The following TEX2 variants were observed in gnomAD, a reference collection of about 807,000 sequenced individuals.
TEX2 encodes the protein testis-expressed protein 2.
Under a neutral mutation model 106.9 loss-of-function variants are expected in TEX2, and 53 were observed. The observed-to-expected ratio is 0.50, with a 90% confidence interval of 0.40 to 0.62. The LOEUF is 0.62. TEX2 is among the 20% of genes least tolerant of loss of function. The pLI, the probability that TEX2 is intolerant of heterozygous loss-of-function variation, is 0.00. For missense variants in TEX2, 1,207 were observed against 1,379.0 expected (o/e 0.88, Z 1.98); for synonymous variants, 523 against 534.8 (o/e 0.98, Z 0.30).
At chr17:64,206,583 G>A (rs535166433) in intron 2 of TEX2, among the ~76,000 whole-genome samples, 101 of 133,850 alleles carry the variant, frequency 7.5e-4, no homozygotes, top group African/African-American at 2.7e-3. Context: ...TTTTTGAGAC[G>A]GAGTTTCGTT....
chr17:64,257,917 T>TC (rs1281522257), intron 1 of TEX2, among the ~76,000 whole-genome samples: 1 of 119,628 alleles, frequency 8.4e-6, no homozygotes, highest in Non-Finnish European at 1.6e-5. Flanking sequence ...ATAACCGTTC[T>TC]TTTTTTTTTT....
At chr17:64,248,912 G>A (rs1451453281) in intron 1 of TEX2, among the ~76,000 whole-genome samples, 7 of 152,048 alleles carry the variant, frequency 4.6e-5, no homozygotes, top group Non-Finnish European at 1.0e-4. Context: ...GTGCATGCCT[G>A]TAATCCCAGC....
At chr17:64,194,791 C>T (rs564613076) in intron 3 of TEX2, 104 bp downstream of exon 3, 105 of 1,108,096 alleles carry the variant, frequency 9.5e-5, no homozygotes, top group Non-Finnish European at 1.3e-4. Flanking sequence ...TACTGTTCAA[C>T]GACCACAAAC....
intron 1 of TEX2, among the ~76,000 whole-genome samples, chr17:64,223,623 A>G (rs1434833204): frequency 6.6e-6 from 1 of 151,594 alleles, no homozygotes; most frequent in Non-Finnish European, 1.5e-5. Context: ...AATGAGAGAC[A>G]GGGTAAGGCA....
At position 64,171,118 on chromosome 17, in the gene TEX2, G is replaced by A; in HGVS notation, c.2653C>T (p.Pro885Ser). The change falls in exon 7 of 12, where the codon CCT becomes TCT. Residue 885 changes from proline (P) to serine (S), a missense_variant. By Grantham distance (74) the Pro-to-Ser change is moderately conservative. Coordinates refer to ENST00000584379, the MANE Select transcript of TEX2 (RefSeq NM_001288732.2). The part of the protein sequence containing the change: ...AVPKILQAFK[P>S]YVDHQGLWID... ...GAGTTACCTTGGTGATCAACGTAAGGCTTGAAGGCCTGGAGGATTTTTGGC... is the reference window on the plus strand; with the variant it reads ...GAGTTACCTTGGTGATCAACGTAAGACTTGAAGGCCTGGAGGATTTTTGGC... The A allele has an allele frequency of 6.2e-7, 1 of 1,614,080 alleles. No homozygotes were observed. Among genetic ancestry groups the A allele is most frequent in the Non-Finnish European group, 8.5e-7 (1 of 1,179,928 alleles).
chr17:64,212,489 C>G, intron 2 of TEX2, 85 bp downstream of exon 2: 5 of 1,317,846 alleles, frequency 3.8e-6, no homozygotes, highest in South Asian at 1.4e-5. Context: ...AAATCTTTAA[C>G]AGCTAACCAA....
chr17:64,257,509 T>G (rs2143519692), intron 1 of TEX2, among the ~76,000 whole-genome samples: 1 of 152,370 alleles, frequency 6.6e-6, no homozygotes, highest in South Asian at 2.1e-4. Context: ...TCGCAAGTTT[T>G]AAACTGCATG....
chr17:64,188,098 A>G, intron 5 of TEX2, 70 bp downstream of exon 5: 1 of 1,538,830 alleles, frequency 6.5e-7, no homozygotes, highest in Non-Finnish European at 8.8e-7. Context: ...AGGGCTTCGG[A>G]GCACTTACGC....
chr17:64,188,286 C>T lies in TEX2; in HGVS notation c.2306G>A (p.Arg769Gln), dbSNP rs1333899168. ...PKQKELAGSV[R>Q]QKMLLDYSVY... ...GCTGTAGTCGAGAAGCATCTTCTGC[C>T]GCACGCTGCCTGCCAGCTCCTTCTG... Residue 769 changes from arginine to glutamine, a missense_variant, in exon 5 of 12, where the codon CGG (arginine) becomes CAG (glutamine). Physicochemically the swap from Arg to Gln is conservative, Grantham distance 43. Coordinates refer to ENST00000584379, the MANE Select transcript of TEX2 (RefSeq NM_001288732.2). 9.9e-6 allele frequency: 16 copies of T among 1,613,964 alleles called. No individual in the cohort carries two copies. Among genetic ancestry groups the T allele is most frequent in the Admixed American group, 1.7e-5 (1 of 59,968 alleles).
chr17:64,158,134 A>G (rs959125422), intron 8 of TEX2, among the ~76,000 whole-genome samples: 1 of 152,238 alleles, frequency 6.6e-6, no homozygotes, highest in African/African-American at 2.4e-5. Flanking sequence ...ATGCCCATGA[A>G]AATACAGCAG....
At chr17:64,150,805 C>T in intron 11 of TEX2, 36 bp downstream of exon 11, 1 of 1,590,770 alleles carries the variant, frequency 6.3e-7, no homozygotes, top group Non-Finnish European at 8.6e-7. Context: ...AGCTTCTATA[C>T]TTGGTGTGAA....
intron 2 of TEX2, among the ~76,000 whole-genome samples, chr17:64,198,586 CAT>C (rs1555629676): frequency 7.6e-6 from 1 of 131,412 alleles, no homozygotes; most frequent in Non-Finnish European, 1.8e-5. Context: ...TCTGAGCACA[CAT>C]CTGCTGGCTA....
In TEX2 at chr17:64,213,636, G is replaced by A. The variant is rs781889250; in HGVS notation, c.582C>T (p.Ser194=). Residue 194 remains serine (S), a synonymous_variant, in exon 2 of 12, where the codon TCC becomes TCT. Transcript: ENST00000584379. This position sits in a 1 kb window ranked among gnomAD's most constrained non-coding sequence, Gnocchi z 4.4. ...SAKPFMSLVK[S]LSTEVEPKES... ...CTTTTGGCTCCACCTCGGTCGACAG[G>A]GACTTCACAAGGCTCATGAAGGGTT... 25 of 1,613,986 alleles carry A rather than the reference G, an allele frequency of 1.5e-5. No homozygotes were observed. The highest frequency in any genetic ancestry group is 2.0e-5 in the Non-Finnish European group (24 of 1,180,018).
chr17:64,158,643 C>T (rs1487573641), intron 8 of TEX2, among the ~76,000 whole-genome samples: 2 of 152,194 alleles, frequency 1.3e-5, no homozygotes, highest in African/African-American at 2.4e-5. Flanking sequence ...TCTGGAATCA[C>T]TTCTGGGATT....
At chr17:64,231,787 C>T (rs1356911792) in intron 1 of TEX2, among the ~76,000 whole-genome samples, 1 of 152,206 alleles carries the variant, frequency 6.6e-6, no homozygotes, top group Non-Finnish European at 1.5e-5. Flanking sequence ...GGACAAGTTA[C>T]GGCAAAAGGC....
chr17:64,162,249 G>C (rs1197649899), intron 7 of TEX2, among the ~76,000 whole-genome samples: 2 of 152,180 alleles, frequency 1.3e-5, no homozygotes, highest in African/African-American at 2.4e-5. Context: ...ACTATTACTG[G>C]AAATAAAGGG....
intron 1 of TEX2, among the ~76,000 whole-genome samples, chr17:64,236,924 T>C (rs1381267486): frequency 3.9e-5 from 6 of 152,244 alleles, no homozygotes; most frequent in Middle Eastern, 3.4e-3. Flanking sequence ...AAGGCAATGA[T>C]TGAATATTCC....
At chr17:64,179,934 G>A (rs1230202499) in intron 5 of TEX2, among the ~76,000 whole-genome samples, 2 of 152,188 alleles carry the variant, frequency 1.3e-5, no homozygotes, top group Admixed American at 1.3e-4. Context: ...CTAGGTCCTG[G>A]ATGGAAGGGC....
chr17:64,175,490 G>A (rs558308116), intron 6 of TEX2, among the ~76,000 whole-genome samples: 2 of 152,308 alleles, frequency 1.3e-5, no homozygotes, highest in South Asian at 2.1e-4. Flanking sequence ...CTTTCTCCAG[G>A]AGGACGGGGG....
Sources: gnomAD v4.1 joint callset for allele counts (sites outside exome capture counted in the v4.1 genomes callset) on GRCh38, gnomAD v4.1.1 for gene constraint, Gnocchi (gnomAD v3.1) non-coding constraint, MANE v1.5 for transcripts, NCBI Gene and HGNC (gene_info 2026-07-23, HGNC 2026-07-21) for gene names.